CNTNAP3B: variants seen among roughly 807,000 people sequenced by gnomAD.
CNTNAP3B encodes the protein contactin-associated protein-like 3B.
Under a neutral mutation model 108.9 loss-of-function variants are expected in CNTNAP3B, and 25 were observed. That is an observed-to-expected ratio of 0.23 (90% CI 0.17 to 0.32). CNTNAP3B has a LOEUF of 0.32. CNTNAP3B is among the 10% of genes least tolerant of loss of function. The probability of loss-of-function intolerance (pLI) is 1.00; values close to 1 mark genes in which losing one functional copy is unlikely to be tolerated. For missense variants in CNTNAP3B, 252 were observed against 1,210.4 expected (o/e 0.21, Z 11.75); for synonymous variants, 103 against 473.4 (o/e 0.22, Z 10.16).
chr9:41,955,773 C>T (rs1824838800), intron 12 of CNTNAP3B, among the ~76,000 whole-genome samples: 1 of 152,302 alleles, frequency 6.6e-6, no homozygotes, highest in South Asian at 2.1e-4. Flanking sequence ...CCCTGTTCCA[C>T]TCCTGTTGCT....
rs191457421 is a variant in CNTNAP3B at position 41,955,845 on chromosome 9, C to T, written c.1877-2459G>A. Among the ~76,000 whole-genome samples the T allele has an allele frequency of 5.5e-4, 84 of 152,346 alleles. No homozygotes were observed. In the Middle Eastern group the frequency reaches 0.01, roughly 19 times the overall value. Reference sequence around the variant, plus strand: ...AACTCATGATTTTGATTGGAATTAACAGTACAGATGTTCCTCAATTTATGA... The same window carrying T: ...AACTCATGATTTTGATTGGAATTAATAGTACAGATGTTCCTCAATTTATGA... On this transcript the variant is annotated intron_variant, in intron 12 of 23. Transcript: ENST00000377561.
chr9:41,977,786 A>AT (rs71288160), intron 9 of CNTNAP3B, among the ~76,000 whole-genome samples: 15,629 of 90,332 alleles, frequency 0.17, 2,362 homozygotes, highest in African/African-American at 0.28. Flanking sequence ...TGCCCAGCTA[A>AT]TTTTTTTTTT....
intron 13 of CNTNAP3B, among the ~76,000 whole-genome samples, chr9:41,948,382 G>A (rs532022336): frequency 2.2e-3 from 328 of 152,254 alleles, no homozygotes; most frequent in African/African-American, 3.2e-3. Context: ...CCACCCTGCC[G>A]GGCCTTACTG....
chr9:41,950,747 CTTTTTTTTTTT>C (rs1196034038), intron 13 of CNTNAP3B, among the ~76,000 whole-genome samples: 2 of 92,416 alleles, frequency 2.2e-5, no homozygotes, highest in Admixed American at 1.3e-4. Context: ...AGGAGGAATT[CTTTTTTTTTTT>C]TTTTTTTTTT....
intron 2 of CNTNAP3B, among the ~76,000 whole-genome samples, chr9:42,087,691 CTT>C (rs1385642167): frequency 7.2e-6 from 1 of 138,210 alleles, no homozygotes; most frequent in Non-Finnish European, 1.6e-5. Flanking sequence ...ATGATATTAA[CTT>C]ATATTTCTCT....
Position 41,970,058 on chromosome 9 carries a change from C to T in CNTNAP3B, c.1649+16G>A, listed in dbSNP as rs577913344. The T allele has an allele frequency of 2.5e-4, 297 of 1,183,620 alleles. 34 individuals are homozygous for T. In the South Asian group the frequency reaches 4.2e-3, roughly 17 times the overall value. 73.3% of individuals were successfully genotyped at this position (1,183,620 alleles called of 1,614,324 possible). A position where few individuals can be genotyped will look rare whatever the true frequency, so the allele number is the denominator to read the frequency against. Reference sequence around the variant, plus strand: ...TTGAAAACAGGCAAGCTAAAGTGACCTAGGATGGCCCTTACCTGTCTGTGA... The same window carrying T: ...TTGAAAACAGGCAAGCTAAAGTGACTTAGGATGGCCCTTACCTGTCTGTGA... On this transcript the variant is annotated intron_variant, in intron 10 of 23. Coordinates refer to ENST00000377561, the MANE Select transcript of CNTNAP3B (RefSeq NM_001201380.3).
intron 3 of CNTNAP3B, among the ~76,000 whole-genome samples, chr9:42,018,863 G>A (rs1342068137): frequency 9.9e-5 from 15 of 151,636 alleles, no homozygotes; most frequent in African/African-American, 2.4e-4. Context: ...ATGATGATCC[G>A]GACTCACAAG....
chr9:41,926,250 G>T (rs1823815978), intron 15 of CNTNAP3B, among the ~76,000 whole-genome samples: 1 of 152,094 alleles, frequency 6.6e-6, no homozygotes, highest in Admixed American at 6.6e-5. Flanking sequence ...ATTCCCCAGT[G>T]TGGAACCTAG....
At position 42,112,647 on chromosome 9, in the gene CNTNAP3B, G is replaced by A. The variant is rs1400130784; in HGVS notation, c.86-7908C>T. Among the ~76,000 whole-genome samples the A allele has an allele frequency of 4.4e-5, 6 of 136,894 alleles. 1 individual carries two copies. The highest frequency in any genetic ancestry group is 1.5e-4 in the African/African-American group (5 of 34,104). 89.8% of individuals were successfully genotyped at this position (136,894 alleles called of 152,430 possible). A position where few individuals can be genotyped will look rare whatever the true frequency, so the allele number is the denominator to read the frequency against. The stretch of plus-strand genomic sequence containing the variant: ...AGGGGGTAGGAGATAGGGGTTACAC[G>A]TTGTCTCTCCTTCCAGATGACATTT... On this transcript the variant is annotated intron_variant, in intron 1 of 23. Transcript: ENST00000377561.
intron 14 of CNTNAP3B, among the ~76,000 whole-genome samples, chr9:41,931,512 G>C (rs1044552020): frequency 6.6e-6 from 1 of 152,224 alleles, no homozygotes; most frequent in Non-Finnish European, 1.5e-5. Flanking sequence ...AAAATAAAAT[G>C]GCTATATTAT....
intron 3 of CNTNAP3B, among the ~76,000 whole-genome samples, chr9:42,034,094 T>G (rs1480885734): frequency 9.4e-6 from 1 of 106,778 alleles, no homozygotes; most frequent in Non-Finnish European, 1.9e-5. Context: ...CATAAACAGC[T>G]GGCCTGCATT....
intron 3 of CNTNAP3B, among the ~76,000 whole-genome samples, chr9:42,041,859 G>A (rs1294898822): frequency 5.5e-5 from 8 of 145,200 alleles, no homozygotes; most frequent in South Asian, 2.2e-4. Context: ...ATGACAGAAT[G>A]GATTAAGAAA....
rs559955563 is a variant in CNTNAP3B at position 42,063,187 on chromosome 9, C to T, written c.390+13682G>A. Among the ~76,000 whole-genome samples, 12 of 129,836 alleles carry T rather than the reference C, an allele frequency of 9.2e-5. 1 individual carries two copies. The highest frequency in any genetic ancestry group is 5.1e-4 in the East Asian group (2 of 3,916). 85.2% of individuals were successfully genotyped at this position (129,836 alleles called of 152,430 possible). A position where few individuals can be genotyped will look rare whatever the true frequency, so the allele number is the denominator to read the frequency against. ...TAATTAACATCCTTTTCTTTCAGCC[C>T]GAAGAACTTCCTTTAGCATTTCTTG... On this transcript the variant is annotated intron_variant, in intron 3 of 23. Transcript: ENST00000377561.
At chr9:41,958,537 G>A (rs1340183318) in intron 12 of CNTNAP3B, among the ~76,000 whole-genome samples, 2 of 151,904 alleles carry the variant, frequency 1.3e-5, no homozygotes, top group Non-Finnish European at 2.9e-5. Flanking sequence ...AAGGGGAAAG[G>A]TTCTGTAGTC....
chr9:41,936,952 A>G (rs1275287345), intron 14 of CNTNAP3B, among the ~76,000 whole-genome samples: 7,419 of 141,220 alleles, frequency 0.053, no homozygotes, highest in Middle Eastern at 0.11. Context: ...TATTTTTTAA[A>G]GTGATGCAAA....
chr9:42,087,855 A>G (rs1413007577), intron 2 of CNTNAP3B, among the ~76,000 whole-genome samples: 4 of 123,572 alleles, frequency 3.2e-5, no homozygotes, highest in Non-Finnish European at 6.7e-5. Context: ...TCCACTCCCA[A>G]AAGCGATGTA....
rs556904015 is a variant in CNTNAP3B, at chr9:42,051,889, T to C, written c.390+24980A>G. Among the ~76,000 whole-genome samples, 10 of 152,268 alleles carry C rather than the reference T, an allele frequency of 6.6e-5. No homozygotes were observed. The South Asian group carries it at 2.1e-3, about 32-fold the overall frequency. ...TCCTTTCAGTCAGAAGTTTAGCTAA[T>C]AAAACTTTTGCCAGAGTGTAGCACA... is the stretch of plus-strand genomic sequence containing the variant. On this transcript the variant is annotated intron_variant, in intron 3 of 23. Coordinates refer to ENST00000377561, the MANE Select transcript of CNTNAP3B (RefSeq NM_001201380.3).
At chr9:42,103,368 G>A (rs1441568174) in intron 2 of CNTNAP3B, among the ~76,000 whole-genome samples, 7 of 143,964 alleles carry the variant, frequency 4.9e-5, no homozygotes, top group Non-Finnish European at 7.4e-5. Flanking sequence ...AATGTGCAAT[G>A]CATTAAATGT....
At chr9:41,918,265 A>C (rs1272132899) in intron 18 of CNTNAP3B, among the ~76,000 whole-genome samples, 1 of 150,452 alleles carries the variant, frequency 6.6e-6, no homozygotes, top group African/African-American at 2.5e-5. Context: ...GTCAGAATTT[A>C]GAAATGTTCT....
Sources: allele counts gnomAD v4.1 joint callset (sites outside exome capture counted in the v4.1 genomes callset), GRCh38; gene constraint gnomAD v4.1.1; transcripts MANE v1.5; gene names NCBI Gene and HGNC (gene_info 2026-07-23, HGNC 2026-07-21).